The following ICE2 variants were observed in gnomAD, a reference collection of about 807,000 sequenced individuals.
ICE2 encodes the protein interactor of little elongation complex ELL subunit 2.
In ICE2, 87 loss-of-function variants were observed where a neutral mutation model predicts 105.4. The ratio of observed to expected loss-of-function variants is 0.83; its 90% CI spans 0.69 to 0.99. The LOEUF (loss-of-function observed/expected upper bound fraction) is 0.99. ICE2 is among the 50% of genes least tolerant of loss of function. The pLI is 0.00. For synonymous variants in ICE2, 399 were observed against 392.0 expected (o/e 1.02, Z -0.21); for missense variants, 1,323 against 1,146.7 (o/e 1.15, Z -2.22).
intron 15 of ICE2, among the ~76,000 whole-genome samples, chr15:60,424,918 T>G (rs548400223): frequency 5.5e-4 from 84 of 152,330 alleles, no homozygotes; most frequent in African/African-American, 2.0e-3. Flanking sequence ...CAAAGCTGTA[T>G]AGCCTGAAAC....
At chr15:60,442,623 G>A (rs1595765301) in intron 11 of ICE2, 78 bp from the exon 12 acceptor site, 1 of 1,155,388 alleles carries the variant, frequency 8.7e-7, no homozygotes, top group East Asian at 2.6e-5. Flanking sequence ...ATACAGCTTT[G>A]CCACTTTCAA....
chr15:60,456,520 C>T (rs1489177194), intron 6 of ICE2, 137 bp downstream of exon 6: 2 of 141,794 alleles, frequency 1.4e-5, no homozygotes, highest in East Asian at 2.0e-4. Context: ...CGCCAGGCGA[C>T]GAGAGAGAGA....
Position 60,456,720 on chromosome 15 carries a change from T to C in ICE2, c.603A>G (p.Leu201=), listed in dbSNP as rs145887927. ...EFYTLHEVTS[L]MGFFPFRVEM... ...CTACTCTGAATGGGAAGAATCCCATTAAGCTGGTGACCTCGTGGAGAGTAT... is the reference window on the plus strand; with the variant it reads ...CTACTCTGAATGGGAAGAATCCCATCAAGCTGGTGACCTCGTGGAGAGTAT... The change falls in exon 6 of 16, where the codon TTA becomes TTG. Residue 201 remains leucine (L), a synonymous_variant. Coordinates refer to ENST00000261520, the MANE Select transcript of ICE2 (RefSeq NM_024611.6). 6.5e-5 allele frequency: 104 copies of C among 1,596,522 alleles called. No individual in the cohort carries two copies. The highest frequency in any genetic ancestry group is 1.6e-5 in the Non-Finnish European group (19 of 1,170,574).
At chr15:60,433,480 C>A (rs1184083887) in intron 13 of ICE2, among the ~76,000 whole-genome samples, 1 of 151,844 alleles carries the variant, frequency 6.6e-6, no homozygotes, top group Non-Finnish European at 1.5e-5. Context: ...CTCTCTCTCT[C>A]TCCCTCCCTC....
chr15:60,478,043 G>A lies in ICE2; in HGVS notation c.-66C>T, dbSNP rs951714371. On this transcript the variant is annotated 5_prime_UTR_variant, in exon 2 of 16. Transcript: ENST00000261520. The stretch of plus-strand genomic sequence containing the variant: ...CTGCCTGGCTGCGAAGGCTCCAAGA[G>A]GCAGGATCCCTCCAGAACTTACTCA... 3 of 1,450,578 alleles carry A rather than the reference G, an allele frequency of 2.1e-6. No individual in the cohort carries two copies. Among genetic ancestry groups the A allele is most frequent in the Admixed American group, 1.7e-5 (1 of 59,820 alleles). 89.9% of individuals were successfully genotyped at this position (1,450,578 alleles called of 1,614,324 possible).
intron 12 of ICE2, among the ~76,000 whole-genome samples, chr15:60,437,548 G>A (rs2063623925): frequency 6.6e-6 from 1 of 151,940 alleles, no homozygotes; most frequent in African/African-American, 2.4e-5. Context: ...GGCGAGGCTG[G>A]TCTCGAACTC....
intron 8 of ICE2, among the ~76,000 whole-genome samples, chr15:60,454,225 T>C (rs1595787110): frequency 6.6e-6 from 1 of 152,312 alleles, no homozygotes; most frequent in Non-Finnish European, 1.5e-5. Context: ...AAATTAAATA[T>C]CAAAACAGTA....
chr15:60,452,943 G>A, intron 9 of ICE2: 2 of 985,430 alleles, frequency 2.0e-6, no homozygotes, highest in Non-Finnish European at 2.4e-6. Context: ...AAAACTCTTA[G>A]ATATGGGTCA....
chr15:60,464,059 T>C (rs2064353925), intron 5 of ICE2, among the ~76,000 whole-genome samples: 1 of 152,230 alleles, frequency 6.6e-6, no homozygotes, highest in Non-Finnish European at 1.5e-5. Flanking sequence ...TACTTTTCCA[T>C]ATGTACGTGA....
At chr15:60,456,608 C>CACACACACAA (rs2064131760) in intron 6 of ICE2, 49 bp downstream of exon 6, 1 of 965,468 alleles carries the variant, frequency 1.0e-6, no homozygotes, top group Non-Finnish European at 1.5e-6. Flanking sequence ...CACACACACA[C>CACACACACAA]ACTATTTCAG....
chr15:60,456,970 C>T (rs2064144737), intron 5 of ICE2, among the ~76,000 whole-genome samples, 176 bp from the exon 6 acceptor site: 1 of 152,028 alleles, frequency 6.6e-6, no homozygotes, highest in Non-Finnish European at 1.5e-5. Flanking sequence ...AACCCAGTTA[C>T]TTACAATATT....
At chr15:60,451,405 C>T (rs1012923452) in intron 9 of ICE2, 2 of 954,846 alleles carry the variant, frequency 2.1e-6, no homozygotes, top group Middle Eastern at 5.4e-4. Context: ...ATTCTATGTT[C>T]AGAAGGAAAT....
rs1319015565 is a variant in ICE2, at chr15:60,446,344, T to C, written c.2295+1626A>G. The stretch of plus-strand genomic sequence containing the variant: ...TGGATGGGTTGGCCTTAGTTTATCA[T>C]AGTAGTCAAACCCTCATGCCGCTGT... On this transcript the variant is annotated intron_variant, in intron 11 of 15. Coordinates refer to ENST00000261520, the MANE Select transcript of ICE2 (RefSeq NM_024611.6). 3.9e-5 allele frequency among the ~76,000 whole-genome samples: 6 copies of C among 152,296 alleles called. No individual in the cohort carries two copies. The South Asian group carries it at 6.2e-4, about 16-fold the overall frequency.
chr15:60,455,809 G>A (rs1398088467), intron 6 of ICE2, among the ~76,000 whole-genome samples: 2 of 152,050 alleles, frequency 1.3e-5, no homozygotes, highest in East Asian at 3.9e-4. Flanking sequence ...GTAGGAACGG[G>A]GTTTCGTCAT....
intron 3 of ICE2, among the ~76,000 whole-genome samples, chr15:60,473,303 A>G (rs2141166976): frequency 6.6e-6 from 1 of 152,066 alleles, no homozygotes; most frequent in South Asian, 2.1e-4. Flanking sequence ...ACACACAGAG[A>G]CAGAGACAGA....
intron 12 of ICE2, chr15:60,439,861 G>C (rs2141028008): frequency 6.6e-6 from 1 of 152,234 alleles, no homozygotes; most frequent in East Asian, 1.9e-4. Context: ...AGTTTGTCTG[G>C]CAGCAAATCT....
chr15:60,434,520 T>TACACACACACAC (rs71122858), intron 13 of ICE2, among the ~76,000 whole-genome samples: 21 of 144,928 alleles, frequency 1.4e-4, no homozygotes, highest in East Asian at 2.0e-4. Context: ...AAAATGTGAT[T>TACACACACACAC]ACACACACAC....
chr15:60,422,979 G>C lies in ICE2; in HGVS notation c.*655C>G, dbSNP rs888074398. The C allele has an allele frequency of 4.6e-5, 7 of 152,544 alleles. No individual in the cohort carries two copies. The highest frequency in any genetic ancestry group is 1.3e-4 in the Admixed American group (2 of 15,280). The allele number at this position is 152,544 out of a possible 1,614,324, so 9.4% of individuals were successfully genotyped here. ...ACTCAGCTTGAATCTAGAGATAGAG[G>C]CATCTGTCATCAAACATGTTATACC... On this transcript the variant is annotated 3_prime_UTR_variant, in exon 16 of 16. Coordinates refer to ENST00000261520, the MANE Select transcript of ICE2 (RefSeq NM_024611.6).
At chr15:60,474,412 G>T (rs1413557668) in intron 3 of ICE2, among the ~76,000 whole-genome samples, 1 of 151,966 alleles carries the variant, frequency 6.6e-6, no homozygotes, top group East Asian at 1.9e-4. Flanking sequence ...AACAGTAAAG[G>T]AACGGAAACA....
Sources: gnomAD v4.1 joint callset for allele counts (sites outside exome capture counted in the v4.1 genomes callset) on GRCh38, gnomAD v4.1.1 for gene constraint, MANE v1.5 for transcripts, NCBI Gene and HGNC (gene_info 2026-07-23, HGNC 2026-07-21) for gene names.